PRDM5: variants seen among roughly 807,000 people sequenced by gnomAD.
The protein encoded by PRDM5 is PR/SET domain 5, also known as PR domain zinc finger protein 5.
A neutral mutation model predicts 81.2 loss-of-function variants in PRDM5; 56 were observed. That is an observed-to-expected ratio of 0.69 (90% confidence interval 0.56 to 0.86). The LOEUF is 0.86. PRDM5 is among the 40% of genes least tolerant of loss of function. The pLI is 0.00. For missense variants in PRDM5, 697 were observed against 770.1 expected (o/e 0.91, Z 1.12); for synonymous variants, 267 against 256.4 (o/e 1.04, Z -0.39).
intron 13 of PRDM5, among the ~76,000 whole-genome samples, chr4:120,768,664 A>G (rs1268907528): frequency 2.0e-5 from 3 of 152,224 alleles, no homozygotes; most frequent in South Asian, 2.1e-4. Flanking sequence ...TCCAGCTCCA[A>G]TAGCACAGAC....
chr4:120,920,188 A>G (rs1051669435), intron 1 of PRDM5, among the ~76,000 whole-genome samples: 4 of 152,164 alleles, frequency 2.6e-5, no homozygotes, highest in South Asian at 2.1e-4. Context: ...AGATTCCCCA[A>G]CCTCAGTCTG....
chr4:120,870,879 G>A (rs1761716594), intron 2 of PRDM5, among the ~76,000 whole-genome samples: 1 of 152,180 alleles, frequency 6.6e-6, no homozygotes, highest in Admixed American at 6.5e-5. Context: ...GGTTGAGCCT[G>A]GGCAGGCAAG....
chr4:120,702,475 A>G (rs1735528621), intron 15 of PRDM5, among the ~76,000 whole-genome samples: 1 of 152,158 alleles, frequency 6.6e-6, no homozygotes, highest in Admixed American at 6.5e-5. Context: ...ACTTTTCCTT[A>G]ACAACACTTT....
intron 14 of PRDM5, among the ~76,000 whole-genome samples, chr4:120,739,965 CT>C (rs1741677211): frequency 6.6e-6 from 1 of 152,012 alleles, no homozygotes; most frequent in African/African-American, 2.4e-5. Context: ...GGTAATGATG[CT>C]GTCGGTCTCT....
chr4:120,690,255 A>G (rs1733988947), downstream of PRDM5, among the ~76,000 whole-genome samples: 1 of 152,180 alleles, frequency 6.6e-6, no homozygotes, highest in African/African-American at 2.4e-5. Flanking sequence ...ACTAATTCCA[A>G]TAATGAACTC....
At chr4:120,843,752 T>C (rs1329092689) in intron 3 of PRDM5, among the ~76,000 whole-genome samples, 1 of 151,912 alleles carries the variant, frequency 6.6e-6, no homozygotes, top group Non-Finnish European at 1.5e-5. Context: ...AACTTTCTTC[T>C]TTAAAAAAGC....
At chr4:120,827,238 TAAC>T (rs1228749771) in intron 3 of PRDM5, among the ~76,000 whole-genome samples, 1 of 152,168 alleles carries the variant, frequency 6.6e-6, no homozygotes, top group Non-Finnish European at 1.5e-5. Context: ...GTCATTTTGG[TAAC>T]ATCATATAAT....
intron 3 of PRDM5, among the ~76,000 whole-genome samples, chr4:120,834,186 T>C (rs778206342): frequency 6.6e-6 from 1 of 152,120 alleles, no homozygotes; most frequent in Non-Finnish European, 1.5e-5. Flanking sequence ...CTATAAGAAA[T>C]GTTCATTTGA....
intron 15 of PRDM5, among the ~76,000 whole-genome samples, chr4:120,700,366 C>T (rs1421516448): frequency 1.3e-5 from 2 of 152,040 alleles, no homozygotes; most frequent in Non-Finnish European, 2.9e-5. Flanking sequence ...TAGAAGAAAA[C>T]CTAGGAAACA....
At chr4:120,878,923 C>T (rs767855440) in intron 2 of PRDM5, among the ~76,000 whole-genome samples, 18 of 152,200 alleles carry the variant, frequency 1.2e-4, no homozygotes, top group Non-Finnish European at 1.9e-4. Context: ...CAGGAACTCT[C>T]ATTCACTGCT....
chr4:120,804,277 C>T (rs973603870), intron 8 of PRDM5, among the ~76,000 whole-genome samples: 40 of 149,814 alleles, frequency 2.7e-4, no homozygotes, highest in Admixed American at 4.7e-4. Context: ...CAACTGACAA[C>T]ATTAGACAGA....
chr4:120,734,425 C>CAAAT (rs1320373770), intron 14 of PRDM5, among the ~76,000 whole-genome samples: 5 of 143,874 alleles, frequency 3.5e-5, no homozygotes, highest in African/African-American at 1.5e-4. Context: ...CACAAATACA[C>CAAAT]ACACACACAC....
intron 10 of PRDM5, among the ~76,000 whole-genome samples, chr4:120,795,580 T>G: frequency 7.2e-6 from 1 of 138,410 alleles, no homozygotes; most frequent in East Asian, 2.1e-4. Context: ...AATGAGTAAC[T>G]AAATTTTCAA....
chr4:120,861,911 GA>G (rs1489719360), intron 2 of PRDM5, among the ~76,000 whole-genome samples: 1 of 152,104 alleles, frequency 6.6e-6, no homozygotes, highest in Non-Finnish European at 1.5e-5. Context: ...TCCACAGGGA[GA>G]AAAAAATTTT....
At chr4:120,807,077 T>C (rs1327114562) in intron 8 of PRDM5, among the ~76,000 whole-genome samples, 2 of 152,200 alleles carry the variant, frequency 1.3e-5, no homozygotes, top group African/African-American at 4.8e-5. Context: ...GAGATTTATG[T>C]AGCCAACAGA....
chr4:120,825,313 C>T (rs1755817712), intron 3 of PRDM5, among the ~76,000 whole-genome samples: 2 of 152,294 alleles, frequency 1.3e-5, no homozygotes, highest in African/African-American at 4.8e-5. Context: ...TTAATAAAAA[C>T]TTGAATGCCA....
At chr4:120,722,142 T>C (rs1738706190) in intron 14 of PRDM5, among the ~76,000 whole-genome samples, 1 of 152,148 alleles carries the variant, frequency 6.6e-6, no homozygotes, top group Non-Finnish European at 1.5e-5. Context: ...GTGAGAAAGC[T>C]GTTGATGAGA....
chr4:120,885,979 G>T (rs1763400424), intron 2 of PRDM5, among the ~76,000 whole-genome samples: 1 of 152,054 alleles, frequency 6.6e-6, no homozygotes, highest in Non-Finnish European at 1.5e-5. Flanking sequence ...AAATTGGCTG[G>T]CATATTTAGG....
intron 3 of PRDM5, among the ~76,000 whole-genome samples, chr4:120,844,006 C>T (rs761194273): frequency 3.9e-5 from 6 of 152,106 alleles, no homozygotes; most frequent in Non-Finnish European, 8.8e-5. Flanking sequence ...GCTTCGTGCA[C>T]CTAAACACAG....
Sources: gnomAD v4.1 joint callset for allele counts (sites outside exome capture counted in the v4.1 genomes callset) on GRCh38, gnomAD v4.1.1 for gene constraint, MANE v1.5 for transcripts, NCBI Gene and HGNC (gene_info 2026-07-23, HGNC 2026-07-21) for gene names.